The following PKNOX2 variants were observed in gnomAD, a reference collection of about 807,000 sequenced individuals.
PKNOX2 encodes PBX/knotted 1 homeobox 2, also known as homeobox protein PKNOX2.
A neutral mutation model predicts 53.1 loss-of-function variants in PKNOX2; 14 were observed. The observed-to-expected ratio is 0.26, with a 90% confidence interval of 0.17 to 0.41. The LOEUF is 0.41. PKNOX2 is among the 10% of genes least tolerant of loss of function. PKNOX2 has a pLI of 1.00. For synonymous variants in PKNOX2, 257 were observed against 242.8 expected (o/e 1.06, Z -0.54); for missense variants, 496 against 602.8 (o/e 0.82, Z 1.85).
intron 7 of PKNOX2, among the ~76,000 whole-genome samples, chr11:125,404,319 C>G (rs1954937215): frequency 6.6e-6 from 1 of 152,206 alleles, no homozygotes; most frequent in African/African-American, 2.4e-5. Context: ...AACCTGAGCG[C>G]TTCTCCCGCC....
chr11:125,242,860 G>A (rs1317866303), intron 2 of PKNOX2, among the ~76,000 whole-genome samples: 1 of 152,110 alleles, frequency 6.6e-6, no homozygotes, highest in Non-Finnish European at 1.5e-5. Context: ...AGCCTGCAGT[G>A]TTTCTAGGTA....
At chr11:125,393,091 T>C (rs985961042) in intron 6 of PKNOX2, among the ~76,000 whole-genome samples, 3 of 141,784 alleles carry the variant, frequency 2.1e-5, no homozygotes, top group South Asian at 2.2e-4. Flanking sequence ...AACCAGGAGG[T>C]GGAGCTTGCA....
At chr11:125,182,353 C>T (rs531549361) in intron 1 of PKNOX2, among the ~76,000 whole-genome samples, 1 of 152,214 alleles carries the variant, frequency 6.6e-6, no homozygotes, top group African/African-American at 2.4e-5. Context: ...TGGCTGAATC[C>T]CCCAGAGATA....
chr11:125,362,437 G>A (rs1018949635), intron 4 of PKNOX2, among the ~76,000 whole-genome samples: 5 of 151,988 alleles, frequency 3.3e-5, no homozygotes, highest in African/African-American at 7.2e-5. Context: ...ACAGTGGTAC[G>A]ACCATAGTTC....
rs1467115585 is a variant in PKNOX2, at chr11:125,165,603, A to C, written c.-201+827A>C. 1.3e-5 allele frequency among the ~76,000 whole-genome samples: 2 copies of C among 152,050 alleles called. No individual in the cohort carries two copies. The highest frequency in any genetic ancestry group is 2.9e-5 in the Non-Finnish European group (2 of 67,988). On this transcript the variant is annotated intron_variant, in intron 1 of 12. Coordinates refer to ENST00000298282, the MANE Select transcript of PKNOX2 (RefSeq NM_001382323.2). This position sits in a 1 kb window ranked among gnomAD's most constrained non-coding sequence, Gnocchi z 4.5. ...GACGGATCAGTGGAGACAGGGGAACACCGGCGGGGCCCGGGAAGCCAGGAT... is the reference window on the plus strand; with the variant it reads ...GACGGATCAGTGGAGACAGGGGAACCCCGGCGGGGCCCGGGAAGCCAGGAT...
chr11:125,305,641 G>A (rs556735835), intron 2 of PKNOX2, among the ~76,000 whole-genome samples: 32 of 152,294 alleles, frequency 2.1e-4, no homozygotes, highest in African/African-American at 7.0e-4. Flanking sequence ...GTAAACAGGT[G>A]TCAGGTGTCT....
chr11:125,292,894 CGGA>C (rs1294065148), intron 2 of PKNOX2, among the ~76,000 whole-genome samples: 1 of 152,090 alleles, frequency 6.6e-6, no homozygotes, highest in Non-Finnish European at 1.5e-5. Flanking sequence ...GTGGGGATCT[CGGA>C]GAACCAGAAG....
At chr11:125,378,647 G>A (rs1056979529) in intron 5 of PKNOX2, among the ~76,000 whole-genome samples, 2 of 152,222 alleles carry the variant, frequency 1.3e-5, no homozygotes, top group African/African-American at 4.8e-5. Flanking sequence ...CCACACACTT[G>A]GCTGGACCCA....
At chr11:125,399,477 A>G (rs1428934635) in intron 7 of PKNOX2, among the ~76,000 whole-genome samples, 1 of 152,214 alleles carries the variant, frequency 6.6e-6, no homozygotes, top group Non-Finnish European at 1.5e-5. Context: ...GAGATGCAAG[A>G]TAGGAGCTGA....
intron 2 of PKNOX2, among the ~76,000 whole-genome samples, chr11:125,242,251 C>T (rs1458626394): frequency 6.6e-6 from 1 of 152,196 alleles, no homozygotes; most frequent in Non-Finnish European, 1.5e-5. Flanking sequence ...GAGGGCAAGG[C>T]AGTGTTGGTC....
rs529395197 is a variant in PKNOX2, at chr11:125,422,814, G to T, written c.937-6198G>T. Among the ~76,000 whole-genome samples, 2 of 152,208 alleles carry T rather than the reference G, an allele frequency of 1.3e-5. No homozygotes were observed. Among genetic ancestry groups the T allele is most frequent in the African/African-American group, 4.8e-5 (2 of 41,518 alleles). ...AATGTCCCCATCATAGTACATGCAG[G>T]AAATAAAACCCATTTGAAAAAATGA... On this transcript the variant is annotated intron_variant, in intron 10 of 12. Transcript: ENST00000298282. The surrounding 1 kb of genome is among the most constrained non-coding windows in gnomAD (Gnocchi z 4.1).
intron 1 of PKNOX2, among the ~76,000 whole-genome samples, chr11:125,218,484 A>T (rs61911056): frequency 0.13 from 19,112 of 152,086 alleles, 1,416 homozygotes; most frequent in Middle Eastern, 0.17. Context: ...GGAATTAGAC[A>T]GCAGAAAGAA....
intron 6 of PKNOX2, among the ~76,000 whole-genome samples, chr11:125,392,160 T>A (rs1954087645): frequency 6.6e-6 from 1 of 152,218 alleles, no homozygotes; most frequent in South Asian, 2.1e-4. Flanking sequence ...ATGCATTTGG[T>A]TTACTGTGGT....
At chr11:125,302,040 T>C (rs1260024343) in intron 2 of PKNOX2, among the ~76,000 whole-genome samples, 3 of 151,774 alleles carry the variant, frequency 2.0e-5, no homozygotes, top group Non-Finnish European at 4.4e-5. Flanking sequence ...GGGCTAAGAG[T>C]GGCCATGGCA....
chr11:125,276,777 T>A (rs1276748053), intron 2 of PKNOX2, among the ~76,000 whole-genome samples: 5 of 152,138 alleles, frequency 3.3e-5, no homozygotes, highest in Non-Finnish European at 5.9e-5. Context: ...CTGACAGTGT[T>A]GAGTGAGATT....
intron 1 of PKNOX2, among the ~76,000 whole-genome samples, chr11:125,195,934 A>G (rs1937632440): frequency 6.7e-6 from 1 of 150,258 alleles, no homozygotes; most frequent in Admixed American, 6.7e-5. Context: ...ATTCATTGAC[A>G]ATATCCCAGA....
intron 2 of PKNOX2, among the ~76,000 whole-genome samples, chr11:125,274,284 A>G (rs1481232826): frequency 6.6e-6 from 1 of 152,166 alleles, no homozygotes; most frequent in African/African-American, 2.4e-5. Flanking sequence ...CCACTGCACC[A>G]CACATACTTT....
rs1956201371 is a variant in PKNOX2 at position 125,422,080 on chromosome 11, T to C, written c.937-6932T>C. On this transcript the variant is annotated intron_variant, in intron 10 of 12. Transcript: ENST00000298282. This position sits in a 1 kb window ranked among gnomAD's most constrained non-coding sequence, Gnocchi z 4.1. ...AGGAAGAGAAAAAGGAGGGGTCATTTTGGATGACAATTATCTCTTAGATAA... is the reference window on the plus strand; with the variant it reads ...AGGAAGAGAAAAAGGAGGGGTCATTCTGGATGACAATTATCTCTTAGATAA... 6.6e-6 allele frequency among the ~76,000 whole-genome samples: 1 copy of C among 152,190 alleles called. No individual in the cohort carries two copies. The highest frequency in any genetic ancestry group is 1.5e-5 in the Non-Finnish European group (1 of 68,028).
At chr11:125,328,335 G>T (rs894567415) in intron 2 of PKNOX2, among the ~76,000 whole-genome samples, 13 of 151,812 alleles carry the variant, frequency 8.6e-5, no homozygotes, top group African/African-American at 3.2e-4. Flanking sequence ...GAGAGCGGGG[G>T]AGAGAGAGAG....
Sources: allele counts gnomAD v4.1 joint callset (sites outside exome capture counted in the v4.1 genomes callset), GRCh38; gene constraint gnomAD v4.1.1; non-coding constraint Gnocchi (gnomAD v3.1); transcripts MANE v1.5; gene names NCBI Gene and HGNC (gene_info 2026-07-23, HGNC 2026-07-21).